The following WDR91 variants were observed in gnomAD, a reference collection of about 807,000 sequenced individuals.
The protein encoded by WDR91 is WD repeat-containing protein 91.
WDR91 carries 52 observed loss-of-function variants against 88.4 expected under a neutral mutation model. The observed-to-expected ratio is 0.59, with a 90% confidence interval of 0.47 to 0.74. The LOEUF (loss-of-function observed/expected upper bound fraction) is 0.74, where lower values mean the gene tolerates loss of function less well. WDR91 is among the 30% of genes least tolerant of loss of function. The pLI is 0.00. For missense variants in WDR91, 824 were observed against 954.5 expected (o/e 0.86, Z 1.80); for synonymous variants, 362 against 389.5 (o/e 0.93, Z 0.83).
At position 135,196,329 on chromosome 7, in the gene WDR91, C is replaced by T. The variant is rs766587679; in HGVS notation, c.1059G>A (p.Glu353=). 9.0e-6 allele frequency: 14 copies of T among 1,556,376 alleles called. No homozygotes were observed. In the Admixed American group the frequency reaches 1.3e-4, roughly 15 times the overall value. ...CTGGGCCACTGGCTTCTGGTTTCTT[C>T]TCTGCACACTGTCACAAGCAGGGTG... The part of the protein sequence containing the change: ...LFSTTTSQCA[E]KKPEASGPEA... Residue 353 remains glutamate, a synonymous_variant, in exon 8 of 15, where the codon GAG becomes GAA. Coordinates refer to ENST00000354475, the MANE Select transcript of WDR91 (RefSeq NM_014149.4). This position sits in a 1 kb window ranked among gnomAD's most constrained non-coding sequence, Gnocchi z 4.2.
intron 6 of WDR91, among the ~76,000 whole-genome samples, chr7:135,201,747 C>A (rs929917082): frequency 1.3e-5 from 2 of 152,182 alleles, no homozygotes; most frequent in African/African-American, 4.8e-5. Flanking sequence ...ACTTACAAAG[C>A]AATGTGGCTT....
At chr7:135,201,409 G>C (rs75246602) in intron 6 of WDR91, 1 of 149,870 alleles carries the variant, frequency 6.7e-6, no homozygotes, top group Non-Finnish European at 1.5e-5. Context: ...AGCCTGGAGA[G>C]TATCTGCCAG....
At chr7:135,192,874 T>C (rs1386824921) in intron 11 of WDR91, among the ~76,000 whole-genome samples, 2 of 152,202 alleles carry the variant, frequency 1.3e-5, no homozygotes, top group South Asian at 4.1e-4. Context: ...ACAGGCTGTC[T>C]GGTCACCTCG....
chr7:135,206,386 A>T (rs528112016), intron 4 of WDR91, among the ~76,000 whole-genome samples: 249 of 151,106 alleles, frequency 1.6e-3, no homozygotes, highest in African/African-American at 5.8e-3. Flanking sequence ...AGGCTTTAGA[A>T]CTCTCAAAGC....
intron 6 of WDR91, 93 bp downstream of exon 6, chr7:135,204,175 C>A (rs1224796430): frequency 2.7e-6 from 4 of 1,457,164 alleles, no homozygotes; most frequent in Non-Finnish European, 3.7e-6. Context: ...AAAAGGAGGG[C>A]AAACAAGTCT....
chr7:135,201,896 G>GT (rs1166836878), intron 6 of WDR91, among the ~76,000 whole-genome samples: 1 of 152,188 alleles, frequency 6.6e-6, no homozygotes, highest in Non-Finnish European at 1.5e-5. Flanking sequence ...GGTGTTAATT[G>GT]TAATAGCGGG....
Position 135,188,482 on chromosome 7 carries a change from T to C in WDR91, c.1832A>G (p.Glu611Gly). The C allele has an allele frequency of 1.9e-6, 3 of 1,614,082 alleles. No individual in the cohort carries two copies. The highest frequency in any genetic ancestry group is 2.5e-6 in the Non-Finnish European group (3 of 1,180,018). The change falls in exon 13 of 15, where the codon GAG (glutamate) becomes GGG (glycine). Residue 611 changes from glutamate to glycine, a missense_variant. Transcript: ENST00000354475. ...CACGGTGTTCTCATCATAGCTGAAC[T>C]CCACAGAGTAGACCTCCCCGTAGTG... is the stretch of plus-strand genomic sequence containing the variant. ...RAHYGEVYSV[E>G]FSYDENTVYS...
chr7:135,206,930 C>T (rs1017597926), intron 4 of WDR91, 190 bp downstream of exon 4: 4 of 321,164 alleles, frequency 1.2e-5, no homozygotes, highest in Admixed American at 4.0e-5. Context: ...AAATATGAAT[C>T]TCGCCTCTGG....
intron 11 of WDR91, 108 bp downstream of exon 11, chr7:135,193,123 A>G: frequency 6.8e-7 from 1 of 1,464,540 alleles, no homozygotes; most frequent in Non-Finnish European, 9.1e-7. Context: ...AAACTTTATT[A>G]AAAATCTGAG....
intron 12 of WDR91, 87 bp downstream of exon 12, chr7:135,189,257 C>A: frequency 8.5e-7 from 1 of 1,183,344 alleles, no homozygotes; most frequent in Admixed American, 1.9e-5. Context: ...GCCTCTAGCC[C>A]AGCTGGCAAA....
rs1463991359 is a variant in WDR91, at chr7:135,184,730, CCTTG to C, written c.*1417_*1420del. 6.6e-6 allele frequency: 1 copy of C among 152,394 alleles called. No homozygotes were observed. The highest frequency in any genetic ancestry group is 1.5e-5 in the Non-Finnish European group (1 of 68,220). 9.4% of individuals were successfully genotyped at this position (152,394 alleles called of 1,614,324 possible). A position where few individuals can be genotyped will look rare whatever the true frequency, so the allele number is the denominator to read the frequency against. Reference sequence around the variant, plus strand: ...GTGCCCACCAGCAGCAACTTGGCCCCCTTGCTCTACCTTCTCACCATTCGCCAGC... The same window carrying C: ...GTGCCCACCAGCAGCAACTTGGCCCCCTCTACCTTCTCACCATTCGCCAGC... On this transcript the variant is annotated 3_prime_UTR_variant, in exon 15 of 15. Coordinates refer to ENST00000354475, the MANE Select transcript of WDR91 (RefSeq NM_014149.4).
chr7:135,205,777 C>T (rs1228955274), intron 5 of WDR91, 151 bp downstream of exon 5: 5 of 1,164,136 alleles, frequency 4.3e-6, no homozygotes, highest in Admixed American at 5.1e-5. Flanking sequence ...AAAAATAAAG[C>T]TCTCAAGCAA....
chr7:135,202,437 A>G (rs181384477), intron 6 of WDR91: 1 of 152,382 alleles, frequency 6.6e-6, no homozygotes, highest in Non-Finnish European at 1.5e-5. Context: ...CTCTGTTAAC[A>G]CACCACACAG....
rs1434258000 is a variant in WDR91, at chr7:135,198,024, C to T, written c.1019G>A (p.Arg340Lys). 1 of 1,614,202 alleles carries T rather than the reference C, an allele frequency of 6.2e-7. No homozygotes were observed. Among genetic ancestry groups the T allele is most frequent in the Non-Finnish European group, 8.5e-7 (1 of 1,180,024 alleles). Residue 340 changes from arginine (R) to lysine (K), a missense_variant, in exon 7 of 15, where the codon AGG becomes AAG. Coordinates refer to ENST00000354475, the MANE Select transcript of WDR91 (RefSeq NM_014149.4). ...QRRLQDHGKE[R>K]KELFSTTTSQ... is the part of the protein sequence containing the mutation. ...AGTGGTTGTGGAGAAAAGCTCCTTC[C>T]TCTCCTTGCCATGGTCCTGCAGGCG...
intron 11 of WDR91, among the ~76,000 whole-genome samples, chr7:135,192,749 T>C (rs150431368): frequency 2.0e-4 from 31 of 152,276 alleles, no homozygotes; most frequent in African/African-American, 6.5e-4. Context: ...GAAGGTGAGT[T>C]TAGCATCATT....
At chr7:135,208,340 T>C (rs986158864) in intron 3 of WDR91, among the ~76,000 whole-genome samples, 1 of 152,230 alleles carries the variant, frequency 6.6e-6, no homozygotes, top group Non-Finnish European at 1.5e-5. Flanking sequence ...GAAGTTACTA[T>C]TAGAGACAAT....
intron 6 of WDR91, chr7:135,199,140 T>C (rs1280416686): frequency 6.6e-6 from 1 of 152,222 alleles, no homozygotes; most frequent in East Asian, 1.9e-4. Flanking sequence ...CTTCTACTTG[T>C]TATTTTTTAT....
chr7:135,202,626 C>G (rs1296906617), intron 6 of WDR91, among the ~76,000 whole-genome samples: 2 of 152,200 alleles, frequency 1.3e-5, no homozygotes, highest in Non-Finnish European at 2.9e-5. Flanking sequence ...CAGCTTACTC[C>G]CACAGAAGCT....
chr7:135,208,710 G>A, intron 3 of WDR91, 81 bp downstream of exon 3: 1 of 1,313,866 alleles, frequency 7.6e-7, no homozygotes, highest in Non-Finnish European at 1.0e-6. Context: ...AGAAATGCCT[G>A]TATGGAGACC....
Sources: gnomAD v4.1 joint callset for allele counts (sites outside exome capture counted in the v4.1 genomes callset) on GRCh38, gnomAD v4.1.1 for gene constraint, Gnocchi (gnomAD v3.1) non-coding constraint, MANE v1.5 for transcripts, NCBI Gene and HGNC (gene_info 2026-07-23, HGNC 2026-07-21) for gene names.